Variants in ARHGAP20 observed in about 807,000 individuals in gnomAD.
The protein encoded by ARHGAP20 is rho GTPase-activating protein 20.
Under a neutral mutation model 73.7 loss-of-function variants are expected in ARHGAP20, and 34 were observed. The ratio of observed to expected loss-of-function variants is 0.46; its 90% CI spans 0.35 to 0.61. ARHGAP20 has a LOEUF of 0.61. Among genes scored for constraint, ARHGAP20 ranks in the 20% least tolerant of loss-of-function variants. The pLI, the probability that ARHGAP20 is intolerant of heterozygous loss-of-function variation, is 0.00. For missense variants in ARHGAP20, 1,314 were observed against 1,420.9 expected (o/e 0.92, Z 1.21); for synonymous variants, 523 against 518.2 (o/e 1.01, Z -0.13).
At chr11:110,667,250 C>G (rs1049609771) in intron 2 of ARHGAP20, among the ~76,000 whole-genome samples, 7 of 152,166 alleles carry the variant, frequency 4.6e-5, no homozygotes, top group African/African-American at 1.7e-4. Context: ...CTTCAAAAGA[C>G]AAGCTGACTC....
chr11:110,697,209 T>C (rs750581126), intron 1 of ARHGAP20, among the ~76,000 whole-genome samples: 36 of 151,816 alleles, frequency 2.4e-4, no homozygotes, highest in East Asian at 3.9e-4. Flanking sequence ...TTCCCATCAA[T>C]ATTGTATGTT....
At chr11:110,606,128 G>A (rs1431580671) in intron 9 of ARHGAP20, among the ~76,000 whole-genome samples, 6 of 152,114 alleles carry the variant, frequency 3.9e-5, no homozygotes, top group Non-Finnish European at 8.8e-5. Flanking sequence ...AATCATCTTA[G>A]TCTTCACATA....
At chr11:110,592,813 T>G in intron 9 of ARHGAP20, among the ~76,000 whole-genome samples, 1 of 152,180 alleles carries the variant, frequency 6.6e-6, no homozygotes, top group East Asian at 1.9e-4. Context: ...TGTCCTAAAG[T>G]TTTTTCCTTT....
chr11:110,589,130 A>AT (rs1436329570), intron 11 of ARHGAP20, among the ~76,000 whole-genome samples: 6 of 152,220 alleles, frequency 3.9e-5, no homozygotes, highest in Non-Finnish European at 8.8e-5. Flanking sequence ...AGATATATAT[A>AT]AAAAAGGAAA....
rs888707643 is a variant in ARHGAP20, at chr11:110,592,876, G to A, written c.965-721C>T. On this transcript the variant is annotated intron_variant, in intron 9 of 14. Coordinates refer to ENST00000683387, the MANE Select transcript of ARHGAP20 (RefSeq NM_001384657.1). ...TTTTCAGTTCTTGACTTTAAAGTAT[G>A]TTTAAGGAAGCATGGATGGACACAA... Among the ~76,000 whole-genome samples, 49 of 152,292 alleles carry A rather than the reference G, an allele frequency of 3.2e-4. 1 individual carries two copies. The highest frequency in any genetic ancestry group is 1.1e-3 in the African/African-American group (46 of 41,560).
At chr11:110,666,884 G>C (rs1248081943) in intron 2 of ARHGAP20, among the ~76,000 whole-genome samples, 1 of 152,190 alleles carries the variant, frequency 6.6e-6, no homozygotes, top group Non-Finnish European at 1.5e-5. Context: ...GATCAGGACA[G>C]ATCAAACCAG....
At chr11:110,656,248 A>T (rs1354611522) in intron 2 of ARHGAP20, among the ~76,000 whole-genome samples, 11 of 152,066 alleles carry the variant, frequency 7.2e-5, no homozygotes, top group Non-Finnish European at 1.5e-5. Flanking sequence ...TGGTGGGAGC[A>T]CGTGGGATTC....
At chr11:110,711,582 ACTG>A in intron 1 of ARHGAP20, 1 of 1,467,856 alleles carries the variant, frequency 6.8e-7, no homozygotes. Context: ...CCCCCCGAAA[ACTG>A]CTATGGAGCA....
intron 2 of ARHGAP20, among the ~76,000 whole-genome samples, chr11:110,641,165 T>C (rs1165037117): frequency 1.3e-5 from 2 of 151,972 alleles, no homozygotes; most frequent in African/African-American, 4.8e-5. Flanking sequence ...TCAACAATGA[T>C]ACTAATATTT....
intron 2 of ARHGAP20, among the ~76,000 whole-genome samples, chr11:110,636,563 T>C (rs1434229499): frequency 1.3e-5 from 2 of 152,088 alleles, no homozygotes; most frequent in African/African-American, 4.8e-5. Flanking sequence ...ACAATAAAAT[T>C]AAATGATTTT....
chr11:110,660,703 C>G (rs559882857), intron 2 of ARHGAP20, among the ~76,000 whole-genome samples: 58 of 152,288 alleles, frequency 3.8e-4, no homozygotes, highest in African/African-American at 1.4e-3. Context: ...CTCACATTCT[C>G]AGGTGAATAT....
intron 2 of ARHGAP20, among the ~76,000 whole-genome samples, chr11:110,631,366 A>T (rs1342094835): frequency 1.3e-4 from 20 of 152,170 alleles, no homozygotes; most frequent in Admixed American, 1.3e-3. Context: ...AAATTAACCA[A>T]ATATAGTCTC....
At chr11:110,601,491 T>C (rs1565432082) in intron 9 of ARHGAP20, among the ~76,000 whole-genome samples, 1 of 152,216 alleles carries the variant, frequency 6.6e-6, no homozygotes, top group Non-Finnish European at 1.5e-5. Flanking sequence ...TGGTAGAATA[T>C]AGAGTCTTTA....
chr11:110,702,851 A>G (rs1170350363), intron 1 of ARHGAP20, among the ~76,000 whole-genome samples: 1 of 152,192 alleles, frequency 6.6e-6, no homozygotes, highest in Non-Finnish European at 1.5e-5. Flanking sequence ...CTCTTCAAGG[A>G]GAACTATAAA....
chr11:110,626,605 G>T (rs1948748923), intron 3 of ARHGAP20, among the ~76,000 whole-genome samples: 1 of 152,146 alleles, frequency 6.6e-6, no homozygotes, highest in African/African-American at 2.4e-5. Flanking sequence ...GTTGACTCCT[G>T]AGCTTATTTA....
chr11:110,614,178 A>G (rs985403973), intron 6 of ARHGAP20, among the ~76,000 whole-genome samples: 1 of 140,960 alleles, frequency 7.1e-6, no homozygotes, highest in Non-Finnish European at 1.5e-5. Context: ...AAATTGCTTA[A>G]TAATAATAGG....
At chr11:110,625,607 T>G (rs893301972) in intron 3 of ARHGAP20, among the ~76,000 whole-genome samples, 16 of 152,110 alleles carry the variant, frequency 1.1e-4, no homozygotes, top group African/African-American at 3.9e-4. Context: ...CAATTAACAT[T>G]CATCTCTGGG....
At chr11:110,679,451 A>G (rs1435394196) in intron 2 of ARHGAP20, among the ~76,000 whole-genome samples, 1 of 152,202 alleles carries the variant, frequency 6.6e-6, no homozygotes, top group African/African-American at 2.4e-5. Flanking sequence ...GATTCTACAT[A>G]AGCAAATGTT....
chr11:110,690,440 T>C, intron 2 of ARHGAP20, 107 bp downstream of exon 2: 1 of 1,120,518 alleles, frequency 8.9e-7, no homozygotes, highest in Non-Finnish European at 1.3e-6. Flanking sequence ...CTGGTGCTGA[T>C]AACAAACAAC....
Sources: gnomAD v4.1 joint callset for allele counts (sites outside exome capture counted in the v4.1 genomes callset) on GRCh38, gnomAD v4.1.1 for gene constraint, MANE v1.5 for transcripts, NCBI Gene and HGNC (gene_info 2026-07-23, HGNC 2026-07-21) for gene names.